The following CHODL variants were observed in gnomAD, a reference collection of about 807,000 sequenced individuals.
The protein encoded by CHODL is chondrolectin, also known as transmembrane protein MT75.
Under a neutral mutation model 34.5 loss-of-function variants are expected in CHODL, and 29 were observed. The ratio of observed to expected loss-of-function variants is 0.84; its 90% CI spans 0.63 to 1.15. The LOEUF is 1.15. Among genes scored for constraint, CHODL ranks in the 50% most tolerant of loss-of-function variants. The pLI is 0.00. For synonymous variants in CHODL, 125 were observed against 116.1 expected, an observed-to-expected ratio of 1.08 and a Z score of -0.49; for missense variants, 332 against 332.5, an observed-to-expected ratio of 1.00 and a Z score of 0.01.
intron 1 of CHODL, among the ~76,000 whole-genome samples, chr21:17,927,244 A>C (rs2063236642): frequency 6.6e-6 from 1 of 151,172 alleles, no homozygotes; most frequent in Non-Finnish European, 1.5e-5. Context: ...GAAAACTTGA[A>C]TATTGGCTCC....
At chr21:18,009,307 C>G (rs1034300286) in intron 1 of CHODL, among the ~76,000 whole-genome samples, 1 of 151,958 alleles carries the variant, frequency 6.6e-6, no homozygotes, top group Non-Finnish European at 1.5e-5. Context: ...TGAATTAGTA[C>G]TCAACACATA....
chr21:18,099,978 G>A (rs1485715043), intron 2 of CHODL: 7 of 152,068 alleles, frequency 4.6e-5, no homozygotes, highest in African/African-American at 1.7e-4. Context: ...ACATATAAAG[G>A]TGCATTGCAC....
intron 1 of CHODL, among the ~76,000 whole-genome samples, chr21:17,938,535 G>GTGGT (rs2063337152): frequency 7.7e-6 from 1 of 129,610 alleles, no homozygotes; most frequent in Non-Finnish European, 1.5e-5. Context: ...CTGGAGTGCA[G>GTGGT]TGGCTCGATC....
intron 1 of CHODL, among the ~76,000 whole-genome samples, chr21:18,020,439 T>C (rs555933705): frequency 4.6e-5 from 7 of 152,292 alleles, no homozygotes; most frequent in African/African-American, 1.7e-4. Context: ...TTAAGCATAG[T>C]CTATTTGAAC....
chr21:18,155,213 C>A (rs1315232425), intron 2 of CHODL, among the ~76,000 whole-genome samples: 5 of 152,118 alleles, frequency 3.3e-5, no homozygotes, highest in African/African-American at 1.2e-4. Context: ...TTGAAGAAAG[C>A]AAAGTGTCAC....
At chr21:18,039,974 A>G (rs1320353630) in intron 2 of CHODL, among the ~76,000 whole-genome samples, 1 of 151,822 alleles carries the variant, frequency 6.6e-6, no homozygotes, top group African/African-American at 2.4e-5. Context: ...GCCTCCAAAC[A>G]TGGACTAAGT....
At chr21:18,195,135 G>A (rs564166369) in intron 2 of CHODL, among the ~76,000 whole-genome samples, 104 of 151,830 alleles carry the variant, frequency 6.8e-4, no homozygotes, top group Non-Finnish European at 1.2e-3. Flanking sequence ...ACTCACTGCA[G>A]GCTCTGCCTC....
intron 2 of CHODL, among the ~76,000 whole-genome samples, chr21:18,202,018 G>A (rs1485749815): frequency 6.6e-6 from 1 of 151,908 alleles, no homozygotes; most frequent in Non-Finnish European, 1.5e-5. Context: ...TGTTAGCCAG[G>A]ATGATCTCAA....
intron 2 of CHODL, among the ~76,000 whole-genome samples, chr21:18,110,185 A>G (rs748849193): frequency 6.6e-6 from 1 of 152,232 alleles, no homozygotes; most frequent in Admixed American, 6.5e-5. Context: ...CAGTTCCACT[A>G]ACTTTTGCTT....
intron 1 of CHODL, among the ~76,000 whole-genome samples, chr21:17,961,040 A>G (rs2063528294): frequency 6.6e-6 from 1 of 152,170 alleles, no homozygotes; most frequent in African/African-American, 2.4e-5. Context: ...CCTAAGACAT[A>G]CAAAGACGTG....
At chr21:17,978,733 GAAAAA>G (rs34399713) in intron 1 of CHODL, among the ~76,000 whole-genome samples, 6 of 139,654 alleles carry the variant, frequency 4.3e-5, no homozygotes, top group African/African-American at 1.3e-4. Flanking sequence ...GAAAAAAAAA[GAAAAA>G]AAAAAAAACA....
At chr21:17,971,412 T>C (rs1487424432) in intron 1 of CHODL, among the ~76,000 whole-genome samples, 6 of 152,200 alleles carry the variant, frequency 3.9e-5, no homozygotes. Context: ...CCTGACTTTT[T>C]AATGATCGCC....
At chr21:18,201,673 T>C (rs547228053) in intron 2 of CHODL, among the ~76,000 whole-genome samples, 1 of 152,280 alleles carries the variant, frequency 6.6e-6, no homozygotes, top group African/African-American at 2.4e-5. Flanking sequence ...AAAAGTAGAC[T>C]TCTTTAAATG....
chr21:18,063,726 A>G (rs2064696858), intron 2 of CHODL, among the ~76,000 whole-genome samples: 1 of 152,240 alleles, frequency 6.6e-6, no homozygotes, highest in Non-Finnish European at 1.5e-5. Context: ...TGATTGAATA[A>G]TTATGTAAAG....
rs192675219 is a variant in CHODL at position 18,112,896 on chromosome 21, A to G, written c.-45+84925A>G. Among the ~76,000 whole-genome samples, 26 of 152,338 alleles carry G rather than the reference A, an allele frequency of 1.7e-4. 1 individual carries two copies. The Middle Eastern group carries it at 0.017, about 100-fold the overall frequency. Reference sequence around the variant, plus strand: ...CAATACCCTAAGAGCACAGGCAACCAAAGCAAAAATGGACAAATGAGATCA... The same window carrying G: ...CAATACCCTAAGAGCACAGGCAACCGAAGCAAAAATGGACAAATGAGATCA... On this transcript the variant is annotated intron_variant, in intron 2 of 6. Transcript: ENST00000400127.
intron 1 of CHODL, among the ~76,000 whole-genome samples, chr21:18,003,785 G>A (rs192544115): frequency 1.3e-5 from 2 of 152,258 alleles, no homozygotes; most frequent in Admixed American, 6.5e-5. Flanking sequence ...CTGTCAGATC[G>A]TTCCAGCACA....
At chr21:17,955,473 T>C (rs2063488526) in intron 1 of CHODL, among the ~76,000 whole-genome samples, 1 of 137,458 alleles carries the variant, frequency 7.3e-6, no homozygotes, top group Admixed American at 7.2e-5. Flanking sequence ...TCCGCTGTTT[T>C]ATTACTTTTT....
At chr21:17,917,984 A>G (rs1477842875) in intron 1 of CHODL, among the ~76,000 whole-genome samples, 1 of 152,092 alleles carries the variant, frequency 6.6e-6, no homozygotes, top group African/African-American at 2.4e-5. Context: ...ATGTGCTACT[A>G]TATGGGAAAT....
At chr21:18,229,298 C>T (rs547400261) in intron 2 of CHODL, among the ~76,000 whole-genome samples, 16 of 152,120 alleles carry the variant, frequency 1.1e-4, no homozygotes, top group Non-Finnish European at 2.4e-4. Flanking sequence ...AAACAACCCA[C>T]AATACTTCAA....
Sources: allele counts gnomAD v4.1 joint callset (sites outside exome capture counted in the v4.1 genomes callset), GRCh38; gene constraint gnomAD v4.1.1; transcripts MANE v1.5; gene names NCBI Gene and HGNC (gene_info 2026-07-23, HGNC 2026-07-21).